CDIN1: variants seen among roughly 807,000 people sequenced by gnomAD.
CDIN1 encodes CDAN1-interacting nuclease 1.
In CDIN1, 33 loss-of-function variants were observed where a neutral mutation model predicts 45.3. That is an observed-to-expected ratio of 0.73 (90% CI 0.55 to 0.97). The LOEUF (loss-of-function observed/expected upper bound fraction) is 0.97, where lower values mean the gene tolerates loss of function less well. Ranked by LOEUF, CDIN1 falls within the 50% of genes least tolerant of loss-of-function variation. The probability of loss-of-function intolerance (pLI) is 0.00; values close to 1 mark genes in which losing one functional copy is unlikely to be tolerated. For synonymous variants in CDIN1, 118 were observed against 124.4 expected (o/e 0.95, Z 0.34); for missense variants, 303 against 339.4 (o/e 0.89, Z 0.84).
At chr15:36,794,795 T>C (rs561161636) in intron 10 of CDIN1, among the ~76,000 whole-genome samples, 30 of 152,356 alleles carry the variant, frequency 2.0e-4, no homozygotes, top group Middle Eastern at 3.4e-3. Flanking sequence ...GATTTCAAAA[T>C]GCTCCTAGTC....
At chr15:36,618,779 A>G (rs75128151) in intron 1 of CDIN1, 9 of 763,556 alleles carry the variant, frequency 1.2e-5, no homozygotes, top group Non-Finnish European at 1.9e-5. Flanking sequence ...AAAAAAAAAA[A>G]AGGATCTAAT....
At chr15:36,592,859 C>T (rs929839048) in intron 1 of CDIN1, among the ~76,000 whole-genome samples, 1 of 152,068 alleles carries the variant, frequency 6.6e-6, no homozygotes, top group Admixed American at 6.5e-5. Context: ...TGATTCTTTC[C>T]TTTCTGTTGG....
chr15:36,800,883 GTGTGTGTGTGTGTGTGTGTGTGTGTGTA>G lies in CDIN1; in HGVS notation c.717-7439_717-7412del, dbSNP rs2054999196. On this transcript the variant is annotated intron_variant, in intron 10 of 10. Coordinates refer to ENST00000566621, the MANE Select transcript of CDIN1 (RefSeq NM_001321759.2). ...TATGTGTGTGTGTGTGTATATATGTGTGTGTGTGTGTGTGTGTGTGTGTGTGTATATATATATATATATATATATATAT... is the reference window on the plus strand; with the variant it reads ...TATGTGTGTGTGTGTGTATATATGTGTATATATATATATATATATATATAT... Among the ~76,000 whole-genome samples, 6 of 26,348 alleles carry G rather than the reference GTGTGTGTGTGTGTGTGTGTGTGTGTGTA, an allele frequency of 2.3e-4. 1 individual carries two copies. The highest frequency in any genetic ancestry group is 2.3e-3 in the South Asian group (1 of 434). 17.3% of individuals were successfully genotyped at this position (26,348 alleles called of 152,430 possible). A position where few individuals can be genotyped will look rare whatever the true frequency, so the allele number is the denominator to read the frequency against.
intron 10 of CDIN1, among the ~76,000 whole-genome samples, chr15:36,740,952 T>C (rs2044215620): frequency 6.6e-6 from 1 of 152,144 alleles, no homozygotes; most frequent in Admixed American, 6.5e-5. Flanking sequence ...TTTTATTTAT[T>C]TTGAGACAAG....
intron 10 of CDIN1, among the ~76,000 whole-genome samples, chr15:36,723,245 T>TA (rs2043500243): frequency 1.3e-5 from 2 of 152,182 alleles, no homozygotes; most frequent in South Asian, 2.1e-4. Context: ...AATTTAATCT[T>TA]ATAGCTGGTA....
In CDIN1 at chr15:36,664,838, G is replaced by A. The variant is rs181032069; in HGVS notation, c.346+6933G>A. Among the ~76,000 whole-genome samples the A allele has an allele frequency of 2.3e-3, 343 of 152,296 alleles. 4 individuals are homozygous for A. Among genetic ancestry groups the A allele is most frequent in the African/African-American group, 7.9e-3 (328 of 41,542 alleles). On this transcript the variant is annotated intron_variant, in intron 5 of 10. Coordinates refer to ENST00000566621, the MANE Select transcript of CDIN1 (RefSeq NM_001321759.2). ...TGGGATTACAGGCCTGAGCCACCGC[G>A]CCCAGCCTGGTTACACATTTATTAA...
At chr15:36,799,663 T>TACTC (rs1003200611) in intron 10 of CDIN1, 1 of 152,230 alleles carries the variant, frequency 6.6e-6, no homozygotes, top group African/African-American at 2.4e-5. Context: ...TGATATAGTT[T>TACTC]ACTCTGAAAA....
chr15:36,726,132 T>C (rs985442026), intron 10 of CDIN1, among the ~76,000 whole-genome samples: 1 of 152,234 alleles, frequency 6.6e-6, no homozygotes, highest in African/African-American at 2.4e-5. Context: ...AAATTAGGAC[T>C]GAAATTTTGA....
chr15:36,611,297 T>C (rs2038638489), intron 1 of CDIN1, among the ~76,000 whole-genome samples: 1 of 152,212 alleles, frequency 6.6e-6, no homozygotes, highest in African/African-American at 2.4e-5. Context: ...CTTTTGAATA[T>C]AAAAGTCTTG....
chr15:36,722,543 A>C (rs1282946370), intron 10 of CDIN1, among the ~76,000 whole-genome samples: 1 of 152,186 alleles, frequency 6.6e-6, no homozygotes, highest in African/African-American at 2.4e-5. Flanking sequence ...TCTTGGATTA[A>C]AATAAAGCAG....
intron 10 of CDIN1, among the ~76,000 whole-genome samples, chr15:36,773,561 A>G (rs890982852): frequency 8.5e-5 from 13 of 152,234 alleles, no homozygotes; most frequent in African/African-American, 2.4e-4. Context: ...GAGGCATTCT[A>G]AGGCTACCCA....
chr15:36,806,813 G>A (rs1056905383), intron 10 of CDIN1, among the ~76,000 whole-genome samples: 7 of 152,178 alleles, frequency 4.6e-5, no homozygotes, highest in Non-Finnish European at 7.3e-5. Flanking sequence ...CGGTTAAATG[G>A]AAGCAAGTTC....
At chr15:36,785,035 A>G (rs2141065824) in intron 10 of CDIN1, among the ~76,000 whole-genome samples, 1 of 152,318 alleles carries the variant, frequency 6.6e-6, no homozygotes, top group East Asian at 1.9e-4. Context: ...GGTTGATTTC[A>G]GATGTCAGGG....
chr15:36,744,069 T>C (rs988502065), intron 10 of CDIN1, among the ~76,000 whole-genome samples: 3 of 151,942 alleles, frequency 2.0e-5, no homozygotes, highest in Non-Finnish European at 4.4e-5. Context: ...CATCACCAGA[T>C]GACTGACTTT....
intron 8 of CDIN1, 113 bp downstream of exon 8, chr15:36,697,503 TTATCTTTTATTGATTTGG>T (rs1462015748): frequency 1.1e-5 from 9 of 842,976 alleles, no homozygotes; most frequent in African/African-American, 1.8e-5. Flanking sequence ...GCTGTGCATA[TTATCTTTTATTGATTTGG>T]AACTGAGCAG....
intron 8 of CDIN1, chr15:36,701,900 T>C: frequency 1.7e-6 from 1 of 587,352 alleles, no homozygotes; most frequent in South Asian, 2.2e-5. Flanking sequence ...TCGTAAGAAA[T>C]TAGGATCTTT....
chr15:36,713,252 A>G (rs1332730296), intron 10 of CDIN1, among the ~76,000 whole-genome samples: 3 of 152,170 alleles, frequency 2.0e-5, no homozygotes, highest in Non-Finnish European at 4.4e-5. Context: ...AAAGCACATG[A>G]ACAGTGACCA....
chr15:36,671,634 C>T (rs1428070254), intron 5 of CDIN1, among the ~76,000 whole-genome samples: 1 of 151,992 alleles, frequency 6.6e-6, no homozygotes, highest in African/African-American at 2.4e-5. Context: ...AGATCAAAAT[C>T]GTTACTCAGC....
chr15:36,600,007 G>C (rs1164649817), intron 1 of CDIN1, among the ~76,000 whole-genome samples: 4 of 152,248 alleles, frequency 2.6e-5, no homozygotes, highest in Non-Finnish European at 5.9e-5. Flanking sequence ...TGGGCTCAGA[G>C]ATCTGACAAA....
Sources: gnomAD v4.1 joint callset for allele counts (sites outside exome capture counted in the v4.1 genomes callset) on GRCh38, gnomAD v4.1.1 for gene constraint, MANE v1.5 for transcripts, NCBI Gene and HGNC (gene_info 2026-07-23, HGNC 2026-07-21) for gene names.